LAMA2: variants seen among roughly 807,000 people sequenced by gnomAD.
LAMA2 encodes the protein laminin subunit alpha-2.
A neutral mutation model predicts 364.8 loss-of-function variants in LAMA2; 269 were observed. That is an observed-to-expected ratio of 0.74 (90% CI 0.67 to 0.82). The LOEUF (loss-of-function observed/expected upper bound fraction) is 0.82, where lower values mean the gene tolerates loss of function less well. Ranked by LOEUF, LAMA2 falls within the 40% of genes least tolerant of loss-of-function variation. The pLI is 0.00. For synonymous variants in LAMA2, 1,379 were observed against 1,370.6 expected (o/e 1.01, Z -0.14); for missense variants, 3,807 against 3,873.2 (o/e 0.98, Z 0.45).
intron 53 of LAMA2, 134 bp from the exon 54 acceptor site, chr6:129,478,559 G>A: frequency 2.3e-6 from 2 of 872,686 alleles, no homozygotes; most frequent in Non-Finnish European, 3.8e-6. Flanking sequence ...GAGTTTGCTG[G>A]GTACACGTGT....
At chr6:129,169,296 G>A (rs1276869361) in intron 9 of LAMA2, among the ~76,000 whole-genome samples, 5 of 148,462 alleles carry the variant, frequency 3.4e-5, no homozygotes, top group Admixed American at 3.3e-4. Flanking sequence ...CTGGCTGTGG[G>A]TTTGTCATAG....
chr6:129,443,074 T>A lies in LAMA2; in HGVS notation c.6274+6T>A. On this transcript the variant is annotated splice_donor_region_variant and intron_variant, in intron 44 of 64. Coordinates refer to ENST00000421865, the MANE Select transcript of LAMA2 (RefSeq NM_000426.4). ...GAAATTGCCTGCAGAAATCAGTACGTATATGTTTACTTATATACCTTTTAG... is the reference window on the plus strand; with the variant it reads ...GAAATTGCCTGCAGAAATCAGTACGAATATGTTTACTTATATACCTTTTAG... The A allele has an allele frequency of 6.3e-7, 1 of 1,593,774 alleles. No homozygotes were observed. The highest frequency in any genetic ancestry group is 8.6e-7 in the Non-Finnish European group (1 of 1,166,252).
chr6:129,286,140 C>T (rs1284773451), intron 18 of LAMA2, among the ~76,000 whole-genome samples: 1 of 152,064 alleles, frequency 6.6e-6, no homozygotes, highest in Non-Finnish European at 1.5e-5. Flanking sequence ...ATAATGACTG[C>T]ATATCTGTGA....
intron 12 of LAMA2, among the ~76,000 whole-genome samples, chr6:129,220,537 A>G (rs1211125910): frequency 1.3e-5 from 2 of 152,230 alleles, no homozygotes; most frequent in Non-Finnish European, 2.9e-5. Context: ...ATCAATCACA[A>G]ATACTATTTT....
At chr6:129,268,654 G>C (rs1333268322) in intron 16 of LAMA2, among the ~76,000 whole-genome samples, 1 of 151,988 alleles carries the variant, frequency 6.6e-6, no homozygotes, top group Non-Finnish European at 1.5e-5. Context: ...AGAGAAGGAA[G>C]GGAGAGAACA....
intron 10 of LAMA2, among the ~76,000 whole-genome samples, chr6:129,179,095 C>T (rs1048785936): frequency 6.6e-6 from 1 of 151,774 alleles, no homozygotes; most frequent in Non-Finnish European, 1.5e-5. Flanking sequence ...CTTGAGTTGA[C>T]CAAGATTGTG....
intron 12 of LAMA2, among the ~76,000 whole-genome samples, chr6:129,207,881 G>A (rs1782787231): frequency 6.6e-6 from 1 of 152,188 alleles, no homozygotes; most frequent in South Asian, 2.1e-4. Context: ...CTCAGAAGGT[G>A]AGGGTCAGGG....
chr6:129,233,820 T>G (rs887636896), intron 12 of LAMA2, among the ~76,000 whole-genome samples: 2 of 152,158 alleles, frequency 1.3e-5, no homozygotes, highest in African/African-American at 4.8e-5. Flanking sequence ...TCATAGAGAT[T>G]TTATGGTATT....
At chr6:129,053,928 G>C (rs941191411) in intron 2 of LAMA2, among the ~76,000 whole-genome samples, 6 of 152,174 alleles carry the variant, frequency 3.9e-5, no homozygotes, top group Admixed American at 3.9e-4. Flanking sequence ...TGGGGGGAAA[G>C]GCAGGGAAGT....
intron 45 of LAMA2, among the ~76,000 whole-genome samples, chr6:129,452,459 A>G (rs1782726295): frequency 6.6e-6 from 1 of 152,178 alleles, no homozygotes; most frequent in Non-Finnish European, 1.5e-5. Flanking sequence ...AGAATGATTA[A>G]TATTCTTCTT....
chr6:129,436,764 G>A (rs1781853041), intron 41 of LAMA2: 1 of 151,998 alleles, frequency 6.6e-6, no homozygotes, highest in South Asian at 2.1e-4. Flanking sequence ...CTGTTGCTTA[G>A]TTTTACAGTT....
intron 3 of LAMA2, among the ~76,000 whole-genome samples, chr6:129,085,088 A>G (rs1204233386): frequency 6.6e-6 from 1 of 152,168 alleles, no homozygotes. Context: ...GGTATCACAA[A>G]TGAGGAAGAG....
intron 12 of LAMA2, among the ~76,000 whole-genome samples, chr6:129,215,729 T>C (rs1157359867): frequency 1.3e-5 from 2 of 152,182 alleles, no homozygotes; most frequent in Non-Finnish European, 2.9e-5. Flanking sequence ...GTGTAAATAC[T>C]ACTTCTTAGA....
rs751607513 is a variant in LAMA2 at position 129,122,128 on chromosome 6, CT to C, written c.640-21772del. Among the ~76,000 whole-genome samples, 11 of 152,294 alleles carry C rather than the reference CT, an allele frequency of 7.2e-5. 1 individual carries two copies. In the South Asian group the frequency reaches 2.3e-3, roughly 32 times the overall value. Reference sequence around the variant, plus strand: ...ACTGGTTGTATATGTAGCTAATTGACTATGAAAACTTGAAGCTTAACTCTTT... The same window carrying C: ...ACTGGTTGTATATGTAGCTAATTGACATGAAAACTTGAAGCTTAACTCTTT... On this transcript the variant is annotated intron_variant, in intron 4 of 64. Coordinates refer to ENST00000421865, the MANE Select transcript of LAMA2 (RefSeq NM_000426.4).
chr6:129,387,545 C>T (rs966920239), intron 35 of LAMA2, among the ~76,000 whole-genome samples: 1 of 152,124 alleles, frequency 6.6e-6, no homozygotes, highest in Non-Finnish European at 1.5e-5. Flanking sequence ...CCCAGCAACC[C>T]CATAACTGGG....
At chr6:129,035,330 A>T (rs1786557731) in intron 1 of LAMA2, among the ~76,000 whole-genome samples, 1 of 136,714 alleles carries the variant, frequency 7.3e-6, no homozygotes. Flanking sequence ...GTGTCTGTTA[A>T]TTTCCTTTGC....
intron 1 of LAMA2, chr6:128,929,132 G>A (rs1186459971): frequency 1.4e-6 from 2 of 1,438,258 alleles, no homozygotes; most frequent in Non-Finnish European, 2.0e-6. Context: ...CAAAAACTCT[G>A]GATAGGGATT....
chr6:128,946,167 C>T (rs1329433288), intron 1 of LAMA2, among the ~76,000 whole-genome samples: 1 of 152,150 alleles, frequency 6.6e-6, no homozygotes, highest in Non-Finnish European at 1.5e-5. Flanking sequence ...TGTTTTAAGT[C>T]ACTACGTTTG....
At chr6:128,990,280 A>G (rs1783528856) in intron 1 of LAMA2, among the ~76,000 whole-genome samples, 1 of 152,018 alleles carries the variant, frequency 6.6e-6, no homozygotes, top group African/African-American at 2.4e-5. Context: ...TTCCTGAGGG[A>G]AGCAATTATT....
Sources: gnomAD v4.1 joint callset for allele counts (sites outside exome capture counted in the v4.1 genomes callset) on GRCh38, gnomAD v4.1.1 for gene constraint, MANE v1.5 for transcripts, NCBI Gene and HGNC (gene_info 2026-07-23, HGNC 2026-07-21) for gene names.